ATG5: variants seen among roughly 807,000 people sequenced by gnomAD.
ATG5 encodes the protein autophagy related 5.
A neutral mutation model predicts 36.5 loss-of-function variants in ATG5; 14 were observed. That is an observed-to-expected ratio of 0.38 (90% CI 0.25 to 0.60). The LOEUF (loss-of-function observed/expected upper bound fraction) is 0.60, where lower values mean the gene tolerates loss of function less well. Among genes scored for constraint, ATG5 ranks in the 20% least tolerant of loss-of-function variants. ATG5 has a pLI of 0.60. For missense variants in ATG5, 195 were observed against 326.7 expected, an observed-to-expected ratio of 0.60 and a Z score of 3.11; for synonymous variants, 95 against 101.5, an observed-to-expected ratio of 0.94 and a Z score of 0.38.
intron 4 of ATG5, among the ~76,000 whole-genome samples, chr6:106,281,915 T>A (rs1243225839): frequency 6.6e-6 from 1 of 152,214 alleles, no homozygotes; most frequent in East Asian, 1.9e-4. Context: ...TACATTTCCA[T>A]GATGACTAAA....
chr6:106,279,885 A>G (rs1236410221), intron 4 of ATG5, 62 bp from the exon 5 acceptor site: 1 of 1,116,676 alleles, frequency 9.0e-7, no homozygotes, highest in East Asian at 2.8e-5. Flanking sequence ...TAACCTCTTA[A>G]AAGAGAACTA....
chr6:106,190,209 C>T (rs1198398241), intron 7 of ATG5, among the ~76,000 whole-genome samples: 1 of 152,172 alleles, frequency 6.6e-6, no homozygotes, highest in East Asian at 1.9e-4. Context: ...AAAGGACAAA[C>T]ATTTATTTCT....
intron 6 of ATG5, among the ~76,000 whole-genome samples, chr6:106,225,443 A>AT (rs1231114950): frequency 6.6e-6 from 1 of 150,572 alleles, no homozygotes; most frequent in Non-Finnish European, 1.5e-5. Context: ...CTGAGTTGAA[A>AT]TTTTTATATT....
chr6:106,246,404 A>T (rs973426843), intron 6 of ATG5, among the ~76,000 whole-genome samples: 437 of 144,840 alleles, frequency 3.0e-3, no homozygotes, highest in Admixed American at 5.0e-3. Context: ...ACACACACAC[A>T]CACACACACA....
At chr6:106,304,588 T>C (rs937687590) in intron 3 of ATG5, among the ~76,000 whole-genome samples, 1 of 152,130 alleles carries the variant, frequency 6.6e-6, no homozygotes, top group Non-Finnish European at 1.5e-5. Flanking sequence ...GGCTACATAC[T>C]ACATGAGCCC....
At chr6:106,266,485 C>G (rs534282150) in intron 5 of ATG5, among the ~76,000 whole-genome samples, 1 of 149,230 alleles carries the variant, frequency 6.7e-6, no homozygotes, top group East Asian at 1.9e-4. Flanking sequence ...GGACTCCTCC[C>G]TAACTCATTT....
chr6:106,311,832 CTT>C (rs539005722), intron 2 of ATG5, among the ~76,000 whole-genome samples: 38 of 141,348 alleles, frequency 2.7e-4, no homozygotes, highest in African/African-American at 3.4e-4. Context: ...TGATCTCCTT[CTT>C]TTTTTTTTTT....
intron 2 of ATG5, among the ~76,000 whole-genome samples, chr6:106,315,604 G>A (rs570307395): frequency 1.3e-5 from 2 of 151,826 alleles, no homozygotes; most frequent in African/African-American, 4.8e-5. Context: ...CTCAGTGAAC[G>A]TATCGTGTGT....
chr6:106,205,144 G>A (rs1462539269), intron 6 of ATG5, among the ~76,000 whole-genome samples: 1 of 152,132 alleles, frequency 6.6e-6, no homozygotes, highest in Non-Finnish European at 1.5e-5. Context: ...GCTATGTATG[G>A]TGACTTGGTT....
chr6:106,260,803 G>A (rs927394180), intron 5 of ATG5, among the ~76,000 whole-genome samples: 5 of 152,180 alleles, frequency 3.3e-5, no homozygotes, highest in Non-Finnish European at 5.9e-5. Flanking sequence ...TTCAGGAGAT[G>A]ACATTATTAA....
At chr6:106,300,544 A>G (rs1260649378) in intron 3 of ATG5, among the ~76,000 whole-genome samples, 1 of 152,144 alleles carries the variant, frequency 6.6e-6, no homozygotes, top group Non-Finnish European at 1.5e-5. Context: ...TGCATTGTTA[A>G]GCAATTTCAT....
intron 6 of ATG5, among the ~76,000 whole-genome samples, chr6:106,215,675 G>C (rs1448967331): frequency 6.6e-6 from 1 of 151,610 alleles, no homozygotes; most frequent in African/African-American, 2.4e-5. Context: ...AATATAAGAG[G>C]AAACCTTCGT....
At chr6:106,257,862 C>T (rs1385879268) in intron 5 of ATG5, among the ~76,000 whole-genome samples, 2 of 152,144 alleles carry the variant, frequency 1.3e-5, no homozygotes, top group African/African-American at 4.8e-5. Context: ...ATAGAAAAAA[C>T]AGCATGCTCA....
intron 4 of ATG5, among the ~76,000 whole-genome samples, chr6:106,287,131 T>C (rs1301619654): frequency 2.6e-5 from 4 of 152,186 alleles, no homozygotes; most frequent in South Asian, 2.1e-4. Flanking sequence ...CAGGCAGTGA[T>C]AGAAGCAAAG....
chr6:106,186,265 A>G lies in ATG5; in HGVS notation c.*275T>C, dbSNP rs1209772667. 2.3e-5 allele frequency: 8 copies of G among 354,850 alleles called. No individual in the cohort carries two copies. The highest frequency in any genetic ancestry group is 1.0e-5 in the Non-Finnish European group (2 of 197,014). The allele number at this position is 354,850 out of a possible 1,614,324, so 22.0% of individuals were successfully genotyped here. A position where few individuals can be genotyped will look rare whatever the true frequency, so the allele number is the denominator to read the frequency against. Reference sequence around the variant, plus strand: ...ATTTTCTTCTTAGGCCAAAGGTTTCAGCTTCATTATATTTTACAGAAGACC... The same window carrying G: ...ATTTTCTTCTTAGGCCAAAGGTTTCGGCTTCATTATATTTTACAGAAGACC... On this transcript the variant is annotated 3_prime_UTR_variant, in exon 8 of 8. Coordinates refer to ENST00000369076, the MANE Select transcript of ATG5 (RefSeq NM_004849.4).
chr6:106,237,646 C>G (rs769238952), intron 6 of ATG5, among the ~76,000 whole-genome samples: 3 of 152,164 alleles, frequency 2.0e-5, no homozygotes, highest in Non-Finnish European at 2.9e-5. Context: ...TCCCATAATA[C>G]TTTGTTGTAC....
intron 1 of ATG5, among the ~76,000 whole-genome samples, chr6:106,321,398 G>C (rs1169474076): frequency 6.7e-6 from 1 of 148,960 alleles, no homozygotes; most frequent in South Asian, 2.1e-4. Context: ...TCGCTCTGTC[G>C]CTCAGGATGG....
At chr6:106,273,363 G>C (rs901537139) in intron 5 of ATG5, among the ~76,000 whole-genome samples, 4 of 152,248 alleles carry the variant, frequency 2.6e-5, no homozygotes, top group East Asian at 1.9e-4. Context: ...CTTCTACCTA[G>C]TAAGTCCTGC....
At chr6:106,286,265 G>T (rs1780075847) in intron 4 of ATG5, among the ~76,000 whole-genome samples, 1 of 152,078 alleles carries the variant, frequency 6.6e-6, no homozygotes, top group South Asian at 2.1e-4. Context: ...CTCTGCTTGA[G>T]CTCCACTCTC....
Sources: gnomAD v4.1 joint callset for allele counts (sites outside exome capture counted in the v4.1 genomes callset) on GRCh38, gnomAD v4.1.1 for gene constraint, MANE v1.5 for transcripts, NCBI Gene and HGNC (gene_info 2026-07-23, HGNC 2026-07-21) for gene names.